JMJD1C: variants seen among roughly 807,000 people sequenced by gnomAD.
JMJD1C encodes jumonji domain-containing protein 1C.
Under a neutral mutation model 245.3 loss-of-function variants are expected in JMJD1C, and 31 were observed. That is an observed-to-expected ratio of 0.13 (90% confidence interval 0.09 to 0.17). JMJD1C has a LOEUF of 0.17. Ranked by LOEUF, JMJD1C falls within the 10% of genes least tolerant of loss-of-function variation. The pLI is 1.00. For synonymous variants in JMJD1C, 1,057 were observed against 1,017.4 expected (o/e 1.04, Z -0.74); for missense variants, 2,691 against 3,000.2 (o/e 0.90, Z 2.41).
intron 2 of JMJD1C, among the ~76,000 whole-genome samples, chr10:63,281,574 G>A (rs1021577717): frequency 2.8e-4 from 40 of 143,860 alleles, no homozygotes; most frequent in African/African-American, 9.6e-4. Context: ...GGGTTCAAGC[G>A]GTTATCCTGC....
At chr10:63,415,819 G>A (rs1211232480) in intron 1 of JMJD1C, among the ~76,000 whole-genome samples, 1 of 152,162 alleles carries the variant, frequency 6.6e-6, no homozygotes, top group African/African-American at 2.4e-5. Context: ...GATACAGTCT[G>A]GCAACTGCTG....
intron 1 of JMJD1C, among the ~76,000 whole-genome samples, chr10:63,414,091 A>G (rs551547024): frequency 6.8e-6 from 1 of 147,984 alleles, no homozygotes; most frequent in South Asian, 2.1e-4. Flanking sequence ...GGTTCATGCC[A>G]TTCTCCTGCC....
At chr10:63,377,348 A>C (rs1343635202) in intron 2 of JMJD1C, among the ~76,000 whole-genome samples, 1 of 152,246 alleles carries the variant, frequency 6.6e-6, no homozygotes, top group Admixed American at 6.5e-5. Context: ...ACACGAATGT[A>C]CTTACTACCA....
intron 17 of JMJD1C, among the ~76,000 whole-genome samples, chr10:63,189,913 G>A (rs1844570231): frequency 1.4e-5 from 2 of 144,466 alleles, no homozygotes; most frequent in Admixed American, 1.4e-4. Flanking sequence ...TTTTTGAGAT[G>A]GGAGTCTCAC....
chr10:63,510,066 G>A (rs553748162), intron 1 of JMJD1C, among the ~76,000 whole-genome samples: 1 of 151,122 alleles, frequency 6.6e-6, no homozygotes, highest in South Asian at 2.1e-4. Flanking sequence ...GCAGTGGCGT[G>A]ATCTCGGCTC....
chr10:63,357,043 C>CT (rs976174124), intron 2 of JMJD1C, among the ~76,000 whole-genome samples: 113 of 146,792 alleles, frequency 7.7e-4, no homozygotes, highest in South Asian at 4.5e-3. Context: ...GACATTATAT[C>CT]TTTTTTTTTT....
chr10:63,358,751 T>C (rs757724620), intron 2 of JMJD1C: 2 of 152,442 alleles, frequency 1.3e-5, no homozygotes, highest in African/African-American at 4.8e-5. Context: ...TAGAAGAGAA[T>C]GCAATACCTC....
At chr10:63,169,033 A>G (rs2132724407) in intron 24 of JMJD1C, among the ~76,000 whole-genome samples, 1 of 152,324 alleles carries the variant, frequency 6.6e-6, no homozygotes, top group Non-Finnish European at 1.5e-5. Context: ...TTTGTTAGGA[A>G]CTGGGATGGA....
intron 2 of JMJD1C, among the ~76,000 whole-genome samples, chr10:63,309,538 G>C (rs1220624043): frequency 1.6e-5 from 2 of 128,744 alleles, no homozygotes; most frequent in Non-Finnish European, 3.3e-5. Context: ...CAACCTCTAA[G>C]ATGATAATAA....
chr10:63,239,753 T>C (rs1284210912), intron 3 of JMJD1C, among the ~76,000 whole-genome samples: 1 of 152,172 alleles, frequency 6.6e-6, no homozygotes, highest in Non-Finnish European at 1.5e-5. Context: ...CCCTACATGT[T>C]GATTTAAGTG....
chr10:63,396,965 C>T (rs1338603569), intron 1 of JMJD1C, among the ~76,000 whole-genome samples: 4 of 146,494 alleles, frequency 2.7e-5, no homozygotes, highest in Non-Finnish European at 4.5e-5. Context: ...GTCTCACTCT[C>T]GTTGTCTAAG....
intron 1 of JMJD1C, among the ~76,000 whole-genome samples, chr10:63,434,399 T>C (rs532741289): frequency 6.6e-6 from 1 of 152,254 alleles, no homozygotes; most frequent in African/African-American, 2.4e-5. Flanking sequence ...GTTTCCAAAC[T>C]ATCCTGCAAA....
intron 5 of JMJD1C, among the ~76,000 whole-genome samples, chr10:63,216,142 T>C (rs1847952095): frequency 6.6e-6 from 1 of 152,214 alleles, no homozygotes; most frequent in Non-Finnish European, 1.5e-5. Context: ...CAAGGCAGTT[T>C]TGTGCTTTTC....
At chr10:63,458,448 G>T (rs2133070100) in intron 1 of JMJD1C, among the ~76,000 whole-genome samples, 1 of 151,302 alleles carries the variant, frequency 6.6e-6, no homozygotes, top group Middle Eastern at 3.4e-3. Context: ...TTATGCCACT[G>T]TACTCCGCCT....
intron 1 of JMJD1C, among the ~76,000 whole-genome samples, chr10:63,428,967 T>C (rs762200922): frequency 3.3e-5 from 5 of 152,146 alleles, no homozygotes; most frequent in Admixed American, 2.0e-4. Context: ...CCATTCCTTA[T>C]TGACAGGTCT....
At chr10:63,192,630 G>A (rs1418072035) in intron 16 of JMJD1C, among the ~76,000 whole-genome samples, 1 of 152,168 alleles carries the variant, frequency 6.6e-6, no homozygotes, top group African/African-American at 2.4e-5. Flanking sequence ...AGCTATTTGG[G>A]AGGCTGAACT....
chr10:63,264,582 A>G, intron 3 of JMJD1C, 69 bp downstream of exon 3: 1 of 713,724 alleles, frequency 1.4e-6, no homozygotes, highest in Non-Finnish European at 2.3e-6. Flanking sequence ...AATATTGTTT[A>G]AAGAATGTCT....
intron 1 of JMJD1C, among the ~76,000 whole-genome samples, chr10:63,446,546 G>A (rs1331055693): frequency 2.0e-5 from 3 of 152,126 alleles, no homozygotes; most frequent in Admixed American, 1.3e-4. Context: ...TAGAAAAGAC[G>A]TCCAAGAAAT....
intron 1 of JMJD1C, among the ~76,000 whole-genome samples, chr10:63,391,053 G>T (rs1589652070): frequency 6.6e-6 from 1 of 152,162 alleles, no homozygotes; most frequent in South Asian, 2.1e-4. Context: ...AGAAGTCAAT[G>T]TGTCCCTCTT....
Sources: gnomAD v4.1 joint callset for allele counts (sites outside exome capture counted in the v4.1 genomes callset) on GRCh38, gnomAD v4.1.1 for gene constraint, MANE v1.5 for transcripts, NCBI Gene and HGNC (gene_info 2026-07-23, HGNC 2026-07-21) for gene names.